MYH15: variants seen among roughly 807,000 people sequenced by gnomAD.
MYH15 encodes myosin heavy chain 15.
In MYH15, 227 loss-of-function variants were observed where a neutral mutation model predicts 240.5. That is an observed-to-expected ratio of 0.94 (90% CI 0.85 to 1.05). The LOEUF (loss-of-function observed/expected upper bound fraction) is 1.05, where lower values mean the gene tolerates loss of function less well. Among genes scored for constraint, MYH15 ranks in the 50% least tolerant of loss-of-function variants. The pLI is 0.00. For synonymous variants in MYH15, 785 were observed against 796.7 expected, an observed-to-expected ratio of 0.99 and a Z score of 0.25; for missense variants, 2,217 against 2,247.5, an observed-to-expected ratio of 0.99 and a Z score of 0.27.
At chr3:108,474,839 T>G (rs2083206834) in intron 12 of MYH15, among the ~76,000 whole-genome samples, 1 of 152,212 alleles carries the variant, frequency 6.6e-6, no homozygotes, top group Non-Finnish European at 1.5e-5. Flanking sequence ...TTTAGCTCAA[T>G]GTAGTCTATT....
chr3:108,391,017 T>TAC (rs2082419347), intron 37 of MYH15, among the ~76,000 whole-genome samples: 1 of 152,206 alleles, frequency 6.6e-6, no homozygotes, highest in African/African-American at 2.4e-5. Flanking sequence ...AAAGGGTATA[T>TAC]ACGCTTTCCA....
intron 14 of MYH15, among the ~76,000 whole-genome samples, chr3:108,469,548 C>T (rs777946651): frequency 3.3e-5 from 5 of 152,186 alleles, no homozygotes; most frequent in Non-Finnish European, 4.4e-5. Flanking sequence ...ATTACTTAAA[C>T]TAACTGGTAC....
intron 3 of MYH15, 122 bp from the exon 4 acceptor site, chr3:108,500,396 T>G: frequency 9.5e-7 from 1 of 1,057,922 alleles, no homozygotes; most frequent in Non-Finnish European, 1.3e-6. Context: ...AGAGGGGAGC[T>G]TTTGGAATCA....
At chr3:108,466,207 T>C (rs948655108) in intron 14 of MYH15, among the ~76,000 whole-genome samples, 10 of 152,182 alleles carry the variant, frequency 6.6e-5, no homozygotes, top group African/African-American at 2.4e-4. Context: ...TTATGAGAAG[T>C]CATTAAAAAT....
At chr3:108,490,688 G>A (rs1035718636) in intron 9 of MYH15, among the ~76,000 whole-genome samples, 4 of 152,100 alleles carry the variant, frequency 2.6e-5, no homozygotes, top group African/African-American at 9.7e-5. Context: ...TTTTATTCCT[G>A]GAAATCTTTG....
Position 108,504,714 on chromosome 3 carries a change from G to A in MYH15, c.195+1009C>T, listed in dbSNP as rs183368149. On this transcript the variant is annotated intron_variant, in intron 2 of 40. Transcript: ENST00000693548. ...AGAAATGGGGCCCGGCTTACACCAC[G>A]GGGTGGCAGGTAATGTGAAGTCAGC... 1.1e-3 allele frequency among the ~76,000 whole-genome samples: 175 copies of A among 152,238 alleles called. 1 individual carries two copies. The highest frequency in any genetic ancestry group is 1.3e-3 in the Non-Finnish European group (86 of 68,002).
rs994606588 is a variant in MYH15 at position 108,453,191 on chromosome 3, T to C, written c.2399+815A>G. ...TTTACACAACTGGTCCTAGAAGCCA[T>C]GTTCTGTGACCCCCAAACTCCCATA... On this transcript the variant is annotated intron_variant, in intron 21 of 40. Transcript: ENST00000693548. 2.6e-5 allele frequency among the ~76,000 whole-genome samples: 4 copies of C among 152,288 alleles called. No individual in the cohort carries two copies. In the East Asian group the frequency reaches 5.8e-4, roughly 22 times the overall value.
At chr3:108,383,061 T>TA (rs2082354778) in intron 40 of MYH15, among the ~76,000 whole-genome samples, 1 of 151,980 alleles carries the variant, frequency 6.6e-6, no homozygotes, top group Admixed American at 6.6e-5. Flanking sequence ...CAAAGAGACA[T>TA]AGAAAGATCC....
chr3:108,444,362 T>C (rs1374858118), intron 22 of MYH15, among the ~76,000 whole-genome samples: 1 of 152,084 alleles, frequency 6.6e-6, no homozygotes, highest in Admixed American at 6.6e-5. Context: ...ATAGAAACTT[T>C]AAATTAAGAC....
chr3:108,513,619 C>A (rs2083537033), upstream of MYH15, among the ~76,000 whole-genome samples: 1 of 152,078 alleles, frequency 6.6e-6, no homozygotes, highest in Admixed American at 6.6e-5. Context: ...GAGGGGATGC[C>A]ATTAATATTT....
intron 32 of MYH15, among the ~76,000 whole-genome samples, chr3:108,405,785 C>A (rs929842591): frequency 6.6e-6 from 1 of 152,120 alleles, no homozygotes; most frequent in Non-Finnish European, 1.5e-5. Context: ...CATATTCCAA[C>A]TTTGGGATAA....
chr3:108,519,745 A>G (rs1840274), intron 1 of MYH15, among the ~76,000 whole-genome samples: 21,604 of 152,226 alleles, frequency 0.14, 1,839 homozygotes, highest in East Asian at 0.39. Context: ...CACGATCTGC[A>G]TAATAGAGTA....
intron 1 of MYH15, among the ~76,000 whole-genome samples, chr3:108,525,655 G>A (rs1440043874): frequency 2.0e-5 from 3 of 151,982 alleles, no homozygotes; most frequent in Admixed American, 1.3e-4. Context: ...AGTAACTTCT[G>A]TTTAGATACT....
chr3:108,395,956 C>A (rs2082457648), intron 35 of MYH15, among the ~76,000 whole-genome samples: 1 of 152,168 alleles, frequency 6.6e-6, no homozygotes, highest in Non-Finnish European at 1.5e-5. Flanking sequence ...GCAGTAGCAC[C>A]TGAGAACATG....
At chr3:108,429,496 T>C (rs1451425759) in intron 26 of MYH15, among the ~76,000 whole-genome samples, 2 of 152,040 alleles carry the variant, frequency 1.3e-5, no homozygotes, top group Non-Finnish European at 2.9e-5. Context: ...AGATACAGTA[T>C]CATCAGAGGC....
At chr3:108,498,253 T>C (rs1314443610) in intron 5 of MYH15, 108 bp from the exon 6 acceptor site, 3 of 911,862 alleles carry the variant, frequency 3.3e-6, no homozygotes, top group Admixed American at 1.9e-5. Flanking sequence ...AGCTTTTACA[T>C]AAAAGTAGAG....
chr3:108,487,620 G>A (rs1226076354), intron 9 of MYH15, among the ~76,000 whole-genome samples: 1 of 152,126 alleles, frequency 6.6e-6, no homozygotes, highest in Non-Finnish European at 1.5e-5. Flanking sequence ...CTTAGGGACT[G>A]GGGCTGGGAA....
At chr3:108,406,957 G>C (rs981339088) in intron 32 of MYH15, among the ~76,000 whole-genome samples, 1 of 152,134 alleles carries the variant, frequency 6.6e-6, no homozygotes, top group African/African-American at 2.4e-5. Flanking sequence ...ACTTCTTTCA[G>C]TTAAGGTGGT....
Position 108,492,537 on chromosome 3 carries a change from T to C in MYH15, c.834A>G (p.Ile278Met), listed in dbSNP as rs1039673975. The change falls in exon 9 of 41, where the codon ATA becomes ATG. Residue 278 changes from isoleucine to methionine, a missense_variant. Transcript: ENST00000693548. Reference protein sequence around the residue: ...FQQAGERNYHIFYQILSGQKE... With the variant: ...FQQAGERNYHMFYQILSGQKE... ...TTTGTCCAGATAGAATTTGATAGAATATGTGGTAGTTCCTCTCTCCAGCCT... is the reference window on the plus strand; with the variant it reads ...TTTGTCCAGATAGAATTTGATAGAACATGTGGTAGTTCCTCTCTCCAGCCT... The C allele has an allele frequency of 3.1e-6, 5 of 1,613,482 alleles. No individual in the cohort carries two copies. In the African/African-American group the frequency reaches 4.0e-5, roughly 13 times the overall value.
Sources: gnomAD v4.1 joint callset for allele counts (sites outside exome capture counted in the v4.1 genomes callset) on GRCh38, gnomAD v4.1.1 for gene constraint, MANE v1.5 for transcripts, NCBI Gene and HGNC (gene_info 2026-07-23, HGNC 2026-07-21) for gene names.